Variants in SFMBT2 observed in about 807,000 individuals in gnomAD.
The protein encoded by SFMBT2 is scm-like with four MBT domains protein 2.
SFMBT2 carries 38 observed loss-of-function variants against 110.1 expected under a neutral mutation model. The ratio of observed to expected loss-of-function variants is 0.35; its 90% confidence interval spans 0.27 to 0.45. The LOEUF (loss-of-function observed/expected upper bound fraction) is 0.45, where lower values mean the gene tolerates loss of function less well. Ranked by LOEUF, SFMBT2 falls within the 20% of genes least tolerant of loss-of-function variation. The pLI is 1.00. For synonymous variants in SFMBT2, 425 were observed against 425.4 expected, an observed-to-expected ratio of 1.00 and a Z score of 0.01; for missense variants, 1,011 against 1,094.9, an observed-to-expected ratio of 0.92 and a Z score of 1.08.
chr10:7,184,926 T>C (rs970019787), intron 16 of SFMBT2, among the ~76,000 whole-genome samples: 2 of 152,166 alleles, frequency 1.3e-5, no homozygotes, highest in African/African-American at 4.8e-5. Flanking sequence ...TGAGGTACGG[T>C]TCTCGCTTCC....
intron 12 of SFMBT2, 74 bp from the exon 13 acceptor site, chr10:7,202,596 T>C (rs1838994102): frequency 1.1e-5 from 17 of 1,610,854 alleles, no homozygotes; most frequent in African/African-American, 1.3e-5. Flanking sequence ...AAATAGGTTA[T>C]AAAGCAAAGA....
chr10:7,177,671 A>G (rs1055909820), intron 16 of SFMBT2, among the ~76,000 whole-genome samples: 1 of 152,078 alleles, frequency 6.6e-6, no homozygotes, highest in East Asian at 1.9e-4. Context: ...TTAAGACCAG[A>G]CTGAGCAGCA....
intron 11 of SFMBT2, among the ~76,000 whole-genome samples, chr10:7,208,679 T>C (rs1199958699): frequency 9.5e-6 from 1 of 105,394 alleles, no homozygotes; most frequent in Admixed American, 1.2e-4. Context: ...AGAGCAAAAT[T>C]CCATCTCAAA....
At chr10:7,264,808 G>T (rs1188729967) in intron 7 of SFMBT2, among the ~76,000 whole-genome samples, 1 of 152,002 alleles carries the variant, frequency 6.6e-6, no homozygotes, top group Non-Finnish European at 1.5e-5. Context: ...AGACCACAGT[G>T]CTCTCTTGGG....
chr10:7,165,489 G>A (rs1837672142), intron 20 of SFMBT2, among the ~76,000 whole-genome samples: 1 of 152,184 alleles, frequency 6.6e-6, no homozygotes, highest in South Asian at 2.1e-4. Context: ...TTAAGAGCAG[G>A]AATAATTTAT....
chr10:7,370,896 C>T, intron 2 of SFMBT2: 1 of 651,288 alleles, frequency 1.5e-6, no homozygotes, highest in Non-Finnish European at 1.9e-6. Flanking sequence ...TGGGGCCACC[C>T]AGCCAGTCAA....
chr10:7,232,935 T>G (rs765390260), intron 9 of SFMBT2, among the ~76,000 whole-genome samples: 15 of 152,104 alleles, frequency 9.9e-5, no homozygotes, highest in Non-Finnish European at 1.6e-4. Flanking sequence ...ATCCAGTTCC[T>G]GGAGGAAGTG....
At chr10:7,283,795 T>C (rs1842013775) in intron 6 of SFMBT2, 109 bp downstream of exon 6, 1 of 809,128 alleles carries the variant, frequency 1.2e-6, no homozygotes, top group Non-Finnish European at 2.0e-6. Flanking sequence ...ATTCACATAC[T>C]CAGATATAAA....
chr10:7,206,857 T>C lies in SFMBT2; in HGVS notation c.1331-929A>G, dbSNP rs191603879. On this transcript the variant is annotated intron_variant, in intron 11 of 20. Transcript: ENST00000397167. Reference sequence around the variant, plus strand: ...CAGGAATCAAGAGATCAGAGCTCCATTAATAGACGGTGACCCATGGACTCT... The same window carrying C: ...CAGGAATCAAGAGATCAGAGCTCCACTAATAGACGGTGACCCATGGACTCT... The C allele has an allele frequency of 9.1e-6, 9 of 984,170 alleles. No individual in the cohort carries two copies. In the East Asian group the frequency reaches 1.0e-3, roughly 112 times the overall value. 61.0% of individuals were successfully genotyped at this position (984,170 alleles called of 1,614,324 possible). A position where few individuals can be genotyped will look rare whatever the true frequency, so the allele number is the denominator to read the frequency against.
chr10:7,280,149 G>A lies in SFMBT2; in HGVS notation c.773-3160C>T, dbSNP rs191040696. On this transcript the variant is annotated intron_variant, in intron 6 of 20. Transcript: ENST00000397167. ...GGCGGCTGTCTGCAAACCAGGAAGC[G>A]AGCCCTCCTGGGACCTCAACTACAC... is the stretch of plus-strand genomic sequence containing the variant. Among the ~76,000 whole-genome samples the A allele has an allele frequency of 2.5e-4, 38 of 152,274 alleles. No individual in the cohort carries two copies. The South Asian group carries it at 5.2e-3, about 21-fold the overall frequency.
intron 11 of SFMBT2, among the ~76,000 whole-genome samples, chr10:7,207,250 CTTG>C (rs1451522879): frequency 2.0e-5 from 3 of 151,750 alleles, no homozygotes; most frequent in Non-Finnish European, 4.4e-5. Flanking sequence ...GTCCTAGCAA[CTTG>C]GGAGGCTGAG....
At chr10:7,318,469 G>C (rs1053769643) in intron 4 of SFMBT2, among the ~76,000 whole-genome samples, 1 of 152,154 alleles carries the variant, frequency 6.6e-6, no homozygotes, top group Non-Finnish European at 1.5e-5. Flanking sequence ...TTCCAGGTCA[G>C]CCAATGCCCA....
intron 2 of SFMBT2, among the ~76,000 whole-genome samples, chr10:7,372,115 G>A (rs1396279163): frequency 4.6e-5 from 7 of 151,864 alleles, no homozygotes; most frequent in African/African-American, 9.7e-5. Flanking sequence ...ATGGGGTTTC[G>A]CCATGTTGGG....
intron 1 of SFMBT2, among the ~76,000 whole-genome samples, chr10:7,390,087 A>G (rs891930594): frequency 6.6e-6 from 1 of 152,184 alleles, no homozygotes; most frequent in Non-Finnish European, 1.5e-5. Flanking sequence ...TGCCTGATCT[A>G]TATCTGCTTG....
chr10:7,342,396 C>CTTTTTT (rs71382101), intron 4 of SFMBT2, among the ~76,000 whole-genome samples: 1,175 of 69,652 alleles, frequency 0.017, 250 homozygotes, highest in Non-Finnish European at 0.027. Context: ...TGGAGTGAGT[C>CTTTTTT]TTTTTTTTTT....
chr10:7,198,529 A>G (rs1838847700), intron 14 of SFMBT2, among the ~76,000 whole-genome samples: 1 of 152,238 alleles, frequency 6.6e-6, no homozygotes, highest in Admixed American at 6.5e-5. Context: ...TGTTAGCACC[A>G]TGGAAGGGCT....
intron 4 of SFMBT2, among the ~76,000 whole-genome samples, chr10:7,359,499 ATGCT>A (rs1230003979): frequency 6.6e-6 from 1 of 152,242 alleles, no homozygotes; most frequent in East Asian, 1.9e-4. Context: ...AATCAAACAC[ATGCT>A]TGACTTAAAT....
At chr10:7,330,463 G>A (rs1843529903) in intron 4 of SFMBT2, among the ~76,000 whole-genome samples, 1 of 152,090 alleles carries the variant, frequency 6.6e-6, no homozygotes, top group Non-Finnish European at 1.5e-5. Context: ...CATCTCTGGT[G>A]GCCTTAGGGA....
At chr10:7,246,718 C>CAAAAAAAAAAA (rs397949347) in intron 8 of SFMBT2, among the ~76,000 whole-genome samples, 1 of 72,152 alleles carries the variant, frequency 1.4e-5, no homozygotes, top group Non-Finnish European at 2.4e-5. Context: ...GACTCCATCT[C>CAAAAAAAAAAA]AAAAAAAAAA....
Sources: allele counts gnomAD v4.1 joint callset (sites outside exome capture counted in the v4.1 genomes callset), GRCh38; gene constraint gnomAD v4.1.1; transcripts MANE v1.5; gene names NCBI Gene and HGNC (gene_info 2026-07-23, HGNC 2026-07-21).